PLXNA4: variants seen among roughly 807,000 people sequenced by gnomAD.
PLXNA4 encodes plexin A4, also known as plexin-A4.
Under a neutral mutation model 191.8 loss-of-function variants are expected in PLXNA4, and 44 were observed. The ratio of observed to expected loss-of-function variants is 0.23; its 90% CI spans 0.18 to 0.29. The LOEUF (loss-of-function observed/expected upper bound fraction) is 0.29. PLXNA4 is among the 10% of genes least tolerant of loss of function. The pLI is 1.00. For synonymous variants in PLXNA4, 1,082 were observed against 1,009.5 expected (o/e 1.07, Z -1.36); for missense variants, 1,800 against 2,488.8 (o/e 0.72, Z 5.89).
At position 132,130,517 on chromosome 7, in the gene PLXNA4, G is replaced by C; in HGVS notation, c.5647C>G (p.Leu1883Val). 6.2e-7 allele frequency: 1 copy of C among 1,614,210 alleles called. No individual in the cohort carries two copies. The highest frequency in any genetic ancestry group is 1.7e-5 in the Admixed American group (1 of 60,026). Residue 1883 changes from leucine to valine, a missense_variant, in exon 32 of 32, where the codon CTA becomes GTA. Physicochemically the swap from Leu to Val is conservative, Grantham distance 32 (BLOSUM62 1). Around this residue, in one of 6 missense-constraint regions of PLXNA4, gnomAD observed 83 missense variants for 81.6 expected, o/e 1.02. Coordinates refer to ENST00000321063, the MANE Select transcript of PLXNA4 (RefSeq NM_020911.2). The stretch of plus-strand genomic sequence containing the variant: ...CTCATGAGGGTTATGACTTGTTCTA[G>C]TTTGTAGGCCAGTTTCTGCTTCCCA... Reference protein sequence around the residue: ...QCGKQKLAYKLEQVITLMSLD... With the variant: ...QCGKQKLAYKVEQVITLMSLD...
intron 21 of PLXNA4, among the ~76,000 whole-genome samples, chr7:132,171,468 T>A (rs917477065): frequency 9.2e-5 from 14 of 152,194 alleles, no homozygotes; most frequent in African/African-American, 3.4e-4. Flanking sequence ...GATGTCTCTC[T>A]AAAGCCTTCC....
At chr7:132,562,286 C>CCTCCTT (rs1425468118) in intron 1 of PLXNA4, among the ~76,000 whole-genome samples, 1 of 128,056 alleles carries the variant, frequency 7.8e-6, no homozygotes, top group Non-Finnish European at 1.6e-5. Flanking sequence ...TTCTCCTCCT[C>CCTCCTT]CTCCTTCTCC....
chr7:132,254,699 G>T, intron 4 of PLXNA4, among the ~76,000 whole-genome samples: 1 of 152,190 alleles, frequency 6.6e-6, no homozygotes, highest in African/African-American at 2.4e-5. Context: ...GCCAGGAGCT[G>T]ACCCCACCGG....
chr7:132,510,935 GCA>G (rs1163198969), intron 1 of PLXNA4, among the ~76,000 whole-genome samples: 5 of 152,210 alleles, frequency 3.3e-5, no homozygotes, highest in South Asian at 2.1e-4. Flanking sequence ...AGACTGAAAT[GCA>G]CAGTGTTGAA....
At chr7:132,219,244 T>TG (rs1798065954) in intron 9 of PLXNA4, among the ~76,000 whole-genome samples, 1 of 152,302 alleles carries the variant, frequency 6.6e-6, no homozygotes, top group African/African-American at 2.4e-5. Flanking sequence ...GGACGTTCAG[T>TG]GGAACTGCAG....
At chr7:132,587,629 G>T (rs2342516) in intron 2 of PLXNA4, among the ~76,000 whole-genome samples, 149,011 of 152,194 alleles carry the variant, frequency 0.98, 73,028 homozygotes, top group East Asian at 1. Flanking sequence ...GGAATGCTTT[G>T]GGGGTAATTC....
intron 3 of PLXNA4, among the ~76,000 whole-genome samples, chr7:132,443,731 G>T (rs1292354011): frequency 6.6e-6 from 1 of 152,326 alleles, no homozygotes; most frequent in East Asian, 1.9e-4. Context: ...GCTATTGAAG[G>T]ATTCAGCAGA....
chr7:132,566,242 C>T (rs575962055), intron 1 of PLXNA4, among the ~76,000 whole-genome samples: 1 of 152,168 alleles, frequency 6.6e-6, no homozygotes, highest in Non-Finnish European at 1.5e-5. Flanking sequence ...CCAAATACCA[C>T]TGAGAGGGTA....
chr7:132,460,245 C>A (rs1204545641), intron 3 of PLXNA4, among the ~76,000 whole-genome samples: 1 of 151,862 alleles, frequency 6.6e-6, no homozygotes, highest in African/African-American at 2.4e-5. Context: ...GGAGTCCCAG[C>A]TACTTTGGGA....
chr7:132,223,403 G>T, intron 9 of PLXNA4, 124 bp downstream of exon 9: 1 of 775,292 alleles, frequency 1.3e-6, no homozygotes, highest in Non-Finnish European at 2.1e-6. Context: ...ACCCTTAAGA[G>T]CCAGGAAGAA....
chr7:132,427,246 G>T (rs895695353), intron 3 of PLXNA4, among the ~76,000 whole-genome samples: 1 of 152,206 alleles, frequency 6.6e-6, no homozygotes, highest in Admixed American at 6.5e-5. Flanking sequence ...GAGAAATGGC[G>T]CACTGGACGT....
chr7:132,458,824 G>T (rs1265089743), intron 3 of PLXNA4, among the ~76,000 whole-genome samples: 1 of 152,096 alleles, frequency 6.6e-6, no homozygotes, highest in Non-Finnish European at 1.5e-5. Context: ...AGTTACCCAA[G>T]AAACCCCAGT....
intron 3 of PLXNA4, among the ~76,000 whole-genome samples, chr7:132,362,065 AG>A (rs1260268975): frequency 6.6e-6 from 1 of 152,210 alleles, no homozygotes; most frequent in Non-Finnish European, 1.5e-5. Context: ...AGGGTTTCCA[AG>A]GCCACTACAG....
intron 3 of PLXNA4, chr7:132,484,907 TAC>T: frequency 6.2e-7 from 1 of 1,614,212 alleles, no homozygotes; most frequent in Non-Finnish European, 8.5e-7. Flanking sequence ...GCACTGAAGA[TAC>T]ACACACAGCA....
At chr7:132,339,307 G>A (rs1802935622) in intron 3 of PLXNA4, among the ~76,000 whole-genome samples, 1 of 152,116 alleles carries the variant, frequency 6.6e-6, no homozygotes, top group Admixed American at 6.5e-5. Flanking sequence ...ATGTGACTTG[G>A]CCTATACTGC....
intron 1 of PLXNA4, among the ~76,000 whole-genome samples, chr7:132,526,491 T>C (rs1799406573): frequency 6.6e-6 from 1 of 152,098 alleles, no homozygotes; most frequent in African/African-American, 2.4e-5. Context: ...TTCAGTTTCA[T>C]CCCCTCCTAG....
chr7:132,569,044 T>C (rs1801857570), intron 1 of PLXNA4, among the ~76,000 whole-genome samples: 1 of 152,198 alleles, frequency 6.6e-6, no homozygotes. Context: ...CTTGACCTGG[T>C]ATTCCCAACC....
At chr7:132,272,139 T>C (rs1176758425) in intron 4 of PLXNA4, among the ~76,000 whole-genome samples, 1 of 152,222 alleles carries the variant, frequency 6.6e-6, no homozygotes, top group Non-Finnish European at 1.5e-5. Context: ...TAACTTCTAA[T>C]GGCCAAGAAC....
At chr7:132,500,753 C>T (rs775284001) in intron 2 of PLXNA4, among the ~76,000 whole-genome samples, 9 of 152,144 alleles carry the variant, frequency 5.9e-5, no homozygotes, top group African/African-American at 2.2e-4. Context: ...GTGTGTCTAT[C>T]GTTATTAACA....
Sources: allele counts gnomAD v4.1 joint callset (sites outside exome capture counted in the v4.1 genomes callset), GRCh38; gene constraint gnomAD v4.1.1; regional missense constraint gnomAD v4.1.1; transcripts MANE v1.5; gene names NCBI Gene and HGNC (gene_info 2026-07-23, HGNC 2026-07-21).